The following STRIP2 variants were observed in gnomAD, a reference collection of about 807,000 sequenced individuals.
The protein encoded by STRIP2 is striatin-interacting protein 2.
In STRIP2, 84 loss-of-function variants were observed where a neutral mutation model predicts 107.1. The ratio of observed to expected loss-of-function variants is 0.78; its 90% CI spans 0.66 to 0.94. The LOEUF is 0.94. Ranked by LOEUF, STRIP2 falls within the 40% of genes least tolerant of loss-of-function variation. STRIP2 has a pLI of 0.00. For missense variants in STRIP2, 888 were observed against 1,034.2 expected, an observed-to-expected ratio of 0.86 and a Z score of 1.94; for synonymous variants, 394 against 400.4, an observed-to-expected ratio of 0.98 and a Z score of 0.19.
chr7:129,483,042 G>T lies in STRIP2; in HGVS notation c.2250G>T (p.Gly750=). 6.2e-7 allele frequency: 1 copy of T among 1,614,100 alleles called. No individual in the cohort carries two copies. The highest frequency in any genetic ancestry group is 1.3e-5 in the African/African-American group (1 of 75,056). The change falls in exon 20 of 21, where the codon GGG becomes GGT. Residue 750 remains glycine, a synonymous_variant. Coordinates refer to ENST00000249344, the MANE Select transcript of STRIP2 (RefSeq NM_020704.3). This position sits in a 1 kb window ranked among gnomAD's most constrained non-coding sequence, Gnocchi z 5.1. The stretch of plus-strand genomic sequence containing the variant: ...GCATGAACGATGACTGGGCTTACGG[G>T]AATGGTGAGTCTTCCCAAAGCTCTT... ...RHRMNDDWAY[G]NDIDARPWDF... is the part of the protein sequence containing the mutation.
At chr7:129,485,180 G>T (rs113087203) in intron 20 of STRIP2, among the ~76,000 whole-genome samples, 1 of 152,020 alleles carries the variant, frequency 6.6e-6, no homozygotes. Flanking sequence ...CTGCATAAAA[G>T]GAATTTAATT....
In STRIP2 at chr7:129,439,743, C is replaced by T. The variant is rs112767101; in HGVS notation, c.130-279C>T. On this transcript the variant is annotated intron_variant, in intron 1 of 20. Transcript: ENST00000249344. ...TGTGTTCATGTAGATTAGATATGGACACAGACCATAGCTTTCATATATGTT... is the reference window on the plus strand; with the variant it reads ...TGTGTTCATGTAGATTAGATATGGATACAGACCATAGCTTTCATATATGTT... 4.5e-3 allele frequency among the ~76,000 whole-genome samples: 680 copies of T among 152,242 alleles called. 3 individuals carry two copies. Among genetic ancestry groups the T allele is most frequent in the South Asian group, 0.012 (60 of 4,824 alleles).
In STRIP2 at chr7:129,485,750, A is replaced by G. The variant is rs752755558; in HGVS notation, c.2426A>G (p.His809Arg). The change falls in exon 21 of 21, where the codon CAC becomes CGC. Residue 809 changes from histidine to arginine, a missense_variant. Transcript: ENST00000249344. ...AGGTTGGATCTGCCTGAAGATTTCC[A>G]CTATTCATATGAGCTCTGGCTCGAG... ...GQRLDLPEDF[H>R]YSYELWLERE... is the part of the protein sequence containing the mutation. 27 of 1,614,196 alleles carry G rather than the reference A, an allele frequency of 1.7e-5. No homozygotes were observed. The highest frequency in any genetic ancestry group is 2.0e-5 in the Non-Finnish European group (24 of 1,180,044).
chr7:129,459,968 AC>A (rs1798484327), intron 12 of STRIP2, among the ~76,000 whole-genome samples: 2 of 152,146 alleles, frequency 1.3e-5, no homozygotes, highest in Middle Eastern at 3.2e-3. Flanking sequence ...GCATACGTGC[AC>A]ACGCATCAAA....
chr7:129,449,959 G>A (rs1798138962), intron 3 of STRIP2, among the ~76,000 whole-genome samples: 2 of 152,084 alleles, frequency 1.3e-5, no homozygotes, highest in Non-Finnish European at 2.9e-5. Context: ...TATGTTCCTT[G>A]GTTCTCCACA....
chr7:129,435,800 T>C (rs1022123014), intron 1 of STRIP2, among the ~76,000 whole-genome samples: 4 of 152,184 alleles, frequency 2.6e-5, no homozygotes, highest in African/African-American at 7.2e-5. Flanking sequence ...CATCATCAAG[T>C]GGCAGAGCTG....
At chr7:129,453,487 C>G (rs1217337922) in intron 5 of STRIP2, 140 bp downstream of exon 5, 3 of 1,050,498 alleles carry the variant, frequency 2.9e-6, no homozygotes, top group East Asian at 5.2e-5. Context: ...AGCTCATTGA[C>G]AGTTCCCCTC....
intron 9 of STRIP2, 27 bp downstream of exon 9, chr7:129,456,669 T>G: frequency 6.3e-7 from 1 of 1,594,906 alleles, no homozygotes; most frequent in Non-Finnish European, 8.6e-7. Flanking sequence ...ACAATGGTAT[T>G]GGGACACCGA....
chr7:129,434,471 G>A lies in STRIP2; in HGVS notation c.-2G>A. 1 of 1,511,560 alleles carries A rather than the reference G, an allele frequency of 6.6e-7. No homozygotes were observed. Among genetic ancestry groups the A allele is most frequent in the Non-Finnish European group, 8.8e-7 (1 of 1,136,588 alleles). 93.6% of individuals were successfully genotyped at this position (1,511,560 alleles called of 1,614,324 possible). On this transcript the variant is annotated 5_prime_UTR_variant, in exon 1 of 21. Transcript: ENST00000249344. ...CCCTGAGGGGAGCCGCTGACCAGCA[G>A]CATGGAGGACCCCGCCGCGCCTGGG...
chr7:129,457,857 C>T (rs1798408541), intron 9 of STRIP2, among the ~76,000 whole-genome samples: 2 of 152,214 alleles, frequency 1.3e-5, no homozygotes, highest in Admixed American at 6.5e-5. Context: ...AGTCAGCCAG[C>T]TGGTGTATGC....
At chr7:129,459,803 T>A (rs1012113197) in intron 12 of STRIP2, among the ~76,000 whole-genome samples, 1 of 152,206 alleles carries the variant, frequency 6.6e-6, no homozygotes, top group African/African-American at 2.4e-5. Flanking sequence ...TTCCTCTCAT[T>A]TCTTTTTCCT....
intron 20 of STRIP2, among the ~76,000 whole-genome samples, chr7:129,484,246 T>C (rs1799193088): frequency 6.6e-6 from 1 of 152,266 alleles, no homozygotes; most frequent in South Asian, 2.1e-4. Context: ...CCTTTTTGGC[T>C]GCAGTATGTC....
At chr7:129,471,010 A>G (rs1219677438) in intron 18 of STRIP2, among the ~76,000 whole-genome samples, 1 of 152,232 alleles carries the variant, frequency 6.6e-6, no homozygotes, top group African/African-American at 2.4e-5. Context: ...GTGAATATCT[A>G]TGCTAAATGC....
At chr7:129,464,587 C>CTAA (rs769447976) in intron 15 of STRIP2, 25 bp from the exon 16 acceptor site, 20 of 1,613,558 alleles carry the variant, frequency 1.2e-5, no homozygotes, top group Admixed American at 5.0e-5. Flanking sequence ...ACTCTCTGCA[C>CTAA]TAATACCTTC....
intron 3 of STRIP2, among the ~76,000 whole-genome samples, chr7:129,450,476 C>T (rs1798154774): frequency 6.6e-6 from 1 of 152,222 alleles, no homozygotes; most frequent in African/African-American, 2.4e-5. Context: ...ATAGTAATTT[C>T]ATGTGCCCAC....
chr7:129,437,551 G>A (rs979554842), intron 1 of STRIP2, among the ~76,000 whole-genome samples: 22 of 151,968 alleles, frequency 1.4e-4, no homozygotes, highest in African/African-American at 5.1e-4. Context: ...TGTGTGCTGG[G>A]ACGTAATGTA....
Position 129,434,539 on chromosome 7 carries a change from A to C in STRIP2, c.67A>C (p.Lys23Gln). Residue 23 changes from lysine to glutamine, a missense_variant, in exon 1 of 21, where the codon AAA becomes CAA. Physicochemically the swap from Lys to Gln is moderately conservative, Grantham distance 53 (BLOSUM62 1). Transcript: ENST00000249344. ...PANGNGNGGG[K>Q]GKQAAPKGRE... Reference sequence around the variant, plus strand: ...AAATGGCAATGGCAACGGCGGCGGCAAAGGGAAGCAGGCGGCGCCCAAGGG... The same window carrying C: ...AAATGGCAATGGCAACGGCGGCGGCCAAGGGAAGCAGGCGGCGCCCAAGGG... 1 of 1,518,674 alleles carries C rather than the reference A, an allele frequency of 6.6e-7. No individual in the cohort carries two copies. Among genetic ancestry groups the C allele is most frequent in the South Asian group, 1.2e-5 (1 of 82,174 alleles). The allele number at this position is 1,518,674 out of a possible 1,614,324, so 94.1% of individuals were successfully genotyped here. A position where few individuals can be genotyped will look rare whatever the true frequency, so the allele number is the denominator to read the frequency against.
chr7:129,455,519 G>A, intron 8 of STRIP2, 148 bp downstream of exon 8: 2 of 902,490 alleles, frequency 2.2e-6, no homozygotes, highest in Non-Finnish European at 3.2e-6. Flanking sequence ...CAACAAGGCT[G>A]TCCTAGAGAC....
At chr7:129,482,333 T>TTCTCTCTCTC (rs61017071) in intron 19 of STRIP2, among the ~76,000 whole-genome samples, 73 of 87,738 alleles carry the variant, frequency 8.3e-4, no homozygotes, top group African/African-American at 2.9e-3. Context: ...AATGGAATAG[T>TTCTCTCTCTC]TCTCTCTCTC....
Sources: allele counts gnomAD v4.1 joint callset (sites outside exome capture counted in the v4.1 genomes callset), GRCh38; gene constraint gnomAD v4.1.1; non-coding constraint Gnocchi (gnomAD v3.1); transcripts MANE v1.5; gene names NCBI Gene and HGNC (gene_info 2026-07-23, HGNC 2026-07-21).